Variants in CFAP47 observed in about 807,000 individuals in gnomAD.
CFAP47 encodes cilia- and flagella-associated protein 47.
A neutral mutation model predicts 148.1 loss-of-function variants in CFAP47; 29 were observed. That is an observed-to-expected ratio of 0.20 (90% CI 0.15 to 0.27). CFAP47 has a LOEUF of 0.27. CFAP47 is among the 10% of genes least tolerant of loss of function. The pLI is 1.00. For missense variants in CFAP47, 1,872 were observed against 1,697.5 expected (o/e 1.10, Z -1.81); for synonymous variants, 664 against 577.3 (o/e 1.15, Z -2.15).
chrX:36,303,400 G>C (rs1353028312), intron 53 of CFAP47, among the ~76,000 whole-genome samples: 1 of 110,638 alleles, frequency 9.0e-6, no homozygotes, highest in South Asian at 3.9e-4. Flanking sequence ...GCTCAGGCTT[G>C]TCTTAAACTC....
chrX:35,966,912 C>CAT (rs1218676479), intron 9 of CFAP47, among the ~76,000 whole-genome samples, 158 bp downstream of exon 9: 7 of 110,269 alleles, frequency 6.3e-5, no homozygotes, highest in African/African-American at 2.3e-4. Flanking sequence ...GGTCTAAAGA[C>CAT]ATATATATAT....
At chrX:36,002,857 A>G (rs1936932252) in intron 21 of CFAP47, among the ~76,000 whole-genome samples, 1 of 111,657 alleles carries the variant, frequency 9.0e-6, no homozygotes, top group Non-Finnish European at 1.9e-5. Flanking sequence ...CTGAGATTAA[A>G]TTTTATTTCA....
chrX:36,134,449 A>C (rs145966539), intron 33 of CFAP47, among the ~76,000 whole-genome samples: 92 of 93,930 alleles, frequency 9.8e-4, no homozygotes, highest in African/African-American at 3.6e-3. Context: ...AAAGAATAGA[A>C]TTGAGAGGCA....
chrX:36,061,033 T>C (rs1403074413), intron 26 of CFAP47, among the ~76,000 whole-genome samples: 2 of 111,502 alleles, frequency 1.8e-5, no homozygotes, highest in Non-Finnish European at 1.9e-5. Flanking sequence ...TAAGCCCCAA[T>C]ATTGGAGGAG....
chrX:36,061,265 G>T (rs1412816352), intron 26 of CFAP47, among the ~76,000 whole-genome samples: 2 of 111,606 alleles, frequency 1.8e-5, no homozygotes, highest in East Asian at 2.8e-4. Flanking sequence ...CCTGTACAGC[G>T]TGCAGAACTG....
At chrX:36,032,039 C>T (rs1447986450) in intron 23 of CFAP47, among the ~76,000 whole-genome samples, 3 of 110,909 alleles carry the variant, frequency 2.7e-5, no homozygotes, top group Admixed American at 1.9e-4. Flanking sequence ...AAAGGATCTA[C>T]TGAAATTAAA....
chrX:36,302,897 A>G (rs1291388204), intron 53 of CFAP47, among the ~76,000 whole-genome samples: 3 of 112,153 alleles, frequency 2.7e-5, no homozygotes, highest in Non-Finnish European at 5.6e-5. Context: ...AATATATTCT[A>G]ATATCTAATA....
intron 49 of CFAP47, among the ~76,000 whole-genome samples, chrX:36,261,461 G>C (rs1940821714): frequency 9.5e-6 from 1 of 105,416 alleles, no homozygotes; most frequent in Non-Finnish European, 1.9e-5. Flanking sequence ...TTCCTAGGCA[G>C]AGGACCCTGC....
At chrX:36,308,661 A>G (rs1941369872) in intron 55 of CFAP47, among the ~76,000 whole-genome samples, 1 of 111,231 alleles carries the variant, frequency 9.0e-6, no homozygotes, top group Non-Finnish European at 1.9e-5. Context: ...AAATAGCCAT[A>G]TAGATTTCCA....
intron 63 of CFAP47, 73 bp downstream of exon 63, chrX:36,379,591 GT>G (rs1192827779): frequency 1.5e-5 from 12 of 817,621 alleles, no homozygotes; most frequent in Non-Finnish European, 1.9e-5. Context: ...GCAAGAAAAG[GT>G]TTTACTACAT....
At chrX:36,080,693 C>T (rs1937960707) in intron 29 of CFAP47, among the ~76,000 whole-genome samples, 1 of 111,461 alleles carries the variant, frequency 9.0e-6, no homozygotes, top group Admixed American at 9.5e-5. Context: ...GAAAACCAAA[C>T]ACCGCATGTT....
intron 57 of CFAP47, among the ~76,000 whole-genome samples, chrX:36,343,336 T>G (rs1464926805): frequency 1.8e-5 from 2 of 111,781 alleles, no homozygotes; most frequent in African/African-American, 6.5e-5. Context: ...GAAAAAAAAG[T>G]TCATCATCAC....
chrX:35,951,140 G>A lies in CFAP47; in HGVS notation c.666G>A (p.Leu222=). The change falls in exon 5 of 64, where the codon TTG becomes TTA. Residue 222 remains leucine, a synonymous_variant. Coordinates refer to ENST00000378653, the MANE Select transcript of CFAP47 (RefSeq NM_001304548.2). ...RIVDEEAIVI[L]QGQPEMLLSI... ...TCTTATTATCCTGTAGAGTGATTTTGCAAGGTCAACCTGAGATGCTCTTGA... is the reference window on the plus strand; with the variant it reads ...TCTTATTATCCTGTAGAGTGATTTTACAAGGTCAACCTGAGATGCTCTTGA... 1 of 1,204,015 alleles carries A rather than the reference G, an allele frequency of 8.3e-7. No individual in the cohort carries two copies. The highest frequency in any genetic ancestry group is 1.1e-6 in the Non-Finnish European group (1 of 888,676).
At chrX:36,317,971 C>A (rs1556011358) in intron 56 of CFAP47, among the ~76,000 whole-genome samples, 3 of 111,401 alleles carry the variant, frequency 2.7e-5, no homozygotes, top group African/African-American at 9.8e-5. Context: ...TGATTAACAA[C>A]ACTCCAAATT....
intron 29 of CFAP47, among the ~76,000 whole-genome samples, chrX:36,080,566 G>A (rs1432706736): frequency 1.8e-5 from 2 of 111,866 alleles, no homozygotes; most frequent in Admixed American, 1.9e-4. Flanking sequence ...TTAAGAAAAT[G>A]TGGCACATAT....
At chrX:36,226,854 A>G (rs1569292959) in intron 45 of CFAP47, among the ~76,000 whole-genome samples, 3 of 111,970 alleles carry the variant, frequency 2.7e-5, no homozygotes. Flanking sequence ...GTAGCATTAA[A>G]TAGCAAGAGG....
chrX:35,931,729 A>G (rs1372673583), intron 2 of CFAP47, among the ~76,000 whole-genome samples: 2 of 111,558 alleles, frequency 1.8e-5, no homozygotes, highest in Non-Finnish European at 3.8e-5. Context: ...ATACTTCAAT[A>G]TGCATACATG....
At chrX:35,953,524 T>C in intron 6 of CFAP47, 68 bp from the exon 7 acceptor site, 4 of 815,138 alleles carry the variant, frequency 4.9e-6, no homozygotes, top group Non-Finnish European at 6.9e-6. Context: ...GGATTGATAT[T>C]TCCTCTTACA....
intron 51 of CFAP47, 31 bp downstream of exon 51, chrX:36,285,757 G>A (rs1218864399): frequency 4.6e-6 from 5 of 1,078,256 alleles, no homozygotes; most frequent in African/African-American, 3.8e-5. Context: ...CATAGACTCT[G>A]TCATTTTGTG....
Sources: gnomAD v4.1 joint callset for allele counts (sites outside exome capture counted in the v4.1 genomes callset) on GRCh38, gnomAD v4.1.1 for gene constraint, MANE v1.5 for transcripts, NCBI Gene and HGNC (gene_info 2026-07-23, HGNC 2026-07-21) for gene names.